ETV6: variants seen among roughly 807,000 people sequenced by gnomAD.
ETV6 encodes ETS variant transcription factor 6.
ETV6 carries 16 observed loss-of-function variants against 51.1 expected under a neutral mutation model. The ratio of observed to expected loss-of-function variants is 0.31; its 90% CI spans 0.21 to 0.48. The LOEUF is 0.48. Among genes scored for constraint, ETV6 ranks in the 20% least tolerant of loss-of-function variants. The pLI is 0.99. For missense variants in ETV6, 458 were observed against 594.8 expected, an observed-to-expected ratio of 0.77 and a Z score of 2.39; for synonymous variants, 240 against 224.1, an observed-to-expected ratio of 1.07 and a Z score of -0.64.
At chr12:11,675,735 G>A (rs947526519) in intron 1 of ETV6, among the ~76,000 whole-genome samples, 2 of 152,090 alleles carry the variant, frequency 1.3e-5, no homozygotes, top group Admixed American at 1.3e-4. Flanking sequence ...GATCCCCTGA[G>A]TCTAGGAGTT....
chr12:11,776,640 G>A (rs139867273), intron 2 of ETV6, among the ~76,000 whole-genome samples: 3 of 152,282 alleles, frequency 2.0e-5, no homozygotes, highest in African/African-American at 7.2e-5. Flanking sequence ...CAAACGTTCA[G>A]CACTTCACAT....
intron 2 of ETV6, among the ~76,000 whole-genome samples, chr12:11,783,634 T>C (rs1945441743): frequency 6.6e-6 from 1 of 152,074 alleles, no homozygotes; most frequent in Admixed American, 6.5e-5. Flanking sequence ...TATGGGGTGA[T>C]TTATGGAACA....
In ETV6 at chr12:11,723,450, T is replaced by TTGCTCTTCAAAA. The variant is rs200284705; in HGVS notation, c.34-28999_34-28988dup. Among the ~76,000 whole-genome samples, 1,193 of 152,238 alleles carry TTGCTCTTCAAAA rather than the reference T, an allele frequency of 7.8e-3. 11 individuals are homozygous for TTGCTCTTCAAAA. The highest frequency in any genetic ancestry group is 0.013 in the Non-Finnish European group (861 of 68,014). The stretch of plus-strand genomic sequence containing the variant: ...ATTCCTTTTTCCCTTCCATTCTTTC[T>TTGCTCTTCAAAA]TGCTCTTCAAAAGCCATATTGTGAC... On this transcript the variant is annotated intron_variant, in intron 1 of 7. Transcript: ENST00000396373.
At chr12:11,802,459 G>C (rs374015163) in intron 2 of ETV6, among the ~76,000 whole-genome samples, 4 of 152,266 alleles carry the variant, frequency 2.6e-5, no homozygotes, top group South Asian at 4.1e-4. Context: ...ACATATTCCT[G>C]TTATATTACT....
chr12:11,812,639 C>G (rs372687434), intron 2 of ETV6, among the ~76,000 whole-genome samples: 1 of 152,132 alleles, frequency 6.6e-6, no homozygotes, highest in African/African-American at 2.4e-5. Flanking sequence ...CTTCTTCCCC[C>G]GCCACCGCCC....
At chr12:11,807,293 A>C (rs1945842479) in intron 2 of ETV6, among the ~76,000 whole-genome samples, 1 of 152,234 alleles carries the variant, frequency 6.6e-6, no homozygotes, top group South Asian at 2.1e-4. Flanking sequence ...CACACTAAAT[A>C]GTGGTGGATT....
chr12:11,704,812 A>G (rs1865043490), intron 1 of ETV6, among the ~76,000 whole-genome samples: 1 of 152,102 alleles, frequency 6.6e-6, no homozygotes, highest in African/African-American at 2.4e-5. Context: ...AAGAACAACT[A>G]AAATCTACAT....
intron 4 of ETV6, among the ~76,000 whole-genome samples, chr12:11,866,663 G>A (rs1238482179): frequency 1.3e-5 from 2 of 152,194 alleles, no homozygotes; most frequent in African/African-American, 4.8e-5. Flanking sequence ...CAAACAGCCT[G>A]AAGTGTTTAC....
chr12:11,762,777 G>A (rs573441884), intron 2 of ETV6, among the ~76,000 whole-genome samples: 1 of 152,262 alleles, frequency 6.6e-6, no homozygotes, highest in Non-Finnish European at 1.5e-5. Flanking sequence ...TCATTGCCAT[G>A]GGCTGTGAAA....
At chr12:11,881,266 G>A (rs1337337102) in intron 5 of ETV6, among the ~76,000 whole-genome samples, 1 of 152,180 alleles carries the variant, frequency 6.6e-6, no homozygotes, top group Non-Finnish European at 1.5e-5. Flanking sequence ...CACTGTATGT[G>A]ATAATATGTG....
At chr12:11,818,355 TA>T (rs1323530749) in intron 2 of ETV6, among the ~76,000 whole-genome samples, 2 of 151,956 alleles carry the variant, frequency 1.3e-5, no homozygotes, top group African/African-American at 4.8e-5. Flanking sequence ...CCATCTCTAC[TA>T]AAAAATACAT....
At chr12:11,879,988 T>C (rs1373721298) in intron 5 of ETV6, among the ~76,000 whole-genome samples, 2 of 135,990 alleles carry the variant, frequency 1.5e-5, no homozygotes, top group East Asian at 4.3e-4. Flanking sequence ...TTAATAGAAA[T>C]CTTAGAAACA....
chr12:11,816,708 G>A (rs1319053088), intron 2 of ETV6, among the ~76,000 whole-genome samples: 1 of 152,190 alleles, frequency 6.6e-6, no homozygotes, highest in Non-Finnish European at 1.5e-5. Context: ...CCTGCAGTCA[G>A]CCATCTTTCT....
chr12:11,765,297 T>TA (rs887644788), intron 2 of ETV6, among the ~76,000 whole-genome samples: 1 of 152,116 alleles, frequency 6.6e-6, no homozygotes, highest in Admixed American at 6.5e-5. Context: ...CCCATCCCCC[T>TA]ACCATTCCAA....
At chr12:11,665,293 C>G (rs1864173863) in intron 1 of ETV6, among the ~76,000 whole-genome samples, 1 of 152,234 alleles carries the variant, frequency 6.6e-6, no homozygotes, top group Non-Finnish European at 1.5e-5. Context: ...GCCACTATGC[C>G]CATCCCATGT....
At chr12:11,783,060 A>C (rs1466311297) in intron 2 of ETV6, among the ~76,000 whole-genome samples, 2 of 152,216 alleles carry the variant, frequency 1.3e-5, no homozygotes, top group South Asian at 2.1e-4. Flanking sequence ...AAGCAGTGTC[A>C]GAGAGATGGA....
chr12:11,803,946 T>C (rs1364681445), intron 2 of ETV6, among the ~76,000 whole-genome samples: 1 of 152,230 alleles, frequency 6.6e-6, no homozygotes, highest in East Asian at 1.9e-4. Context: ...CATCTTCTGA[T>C]CTTCATCAAA....
intron 1 of ETV6, among the ~76,000 whole-genome samples, chr12:11,725,779 C>G (rs1865476586): frequency 6.6e-6 from 1 of 152,166 alleles, no homozygotes; most frequent in Non-Finnish European, 1.5e-5. Context: ...TGGTACCTCC[C>G]CCTGCCTCTC....
intron 1 of ETV6, among the ~76,000 whole-genome samples, chr12:11,677,107 C>T (rs939487669): frequency 1.3e-5 from 2 of 152,168 alleles, no homozygotes; most frequent in African/African-American, 2.4e-5. Context: ...TAAACCCAAT[C>T]CGAATCAACT....
Sources: allele counts gnomAD v4.1 joint callset (sites outside exome capture counted in the v4.1 genomes callset), GRCh38; gene constraint gnomAD v4.1.1; transcripts MANE v1.5; gene names NCBI Gene and HGNC (gene_info 2026-07-23, HGNC 2026-07-21).